Variants in ZNF121 observed in about 807,000 individuals in gnomAD.
The protein encoded by ZNF121 is zinc finger protein 121.
Under a neutral mutation model 2.4 loss-of-function variants are expected in ZNF121, and 1 was observed. That is an observed-to-expected ratio of 0.41 (90% CI 0.15 to 1.94). The LOEUF (loss-of-function observed/expected upper bound fraction) is 1.94, where lower values mean the gene tolerates loss of function less well. ZNF121 is among the 30% of genes most tolerant of loss of function. The probability of loss-of-function intolerance (pLI) is 0.30; values close to 1 mark genes in which losing one functional copy is unlikely to be tolerated. For synonymous variants in ZNF121, 173 were observed against 158.6 expected (o/e 1.09, Z -0.68); for missense variants, 369 against 466.3 (o/e 0.79, Z 1.92).
chr19:9,568,155 CTT>C lies in ZNF121; in HGVS notation c.-60_-59del, dbSNP rs1199318656. The C allele has an allele frequency of 2.7e-6, 4 of 1,493,426 alleles. No homozygotes were observed. Among genetic ancestry groups the C allele is most frequent in the Non-Finnish European group, 3.6e-6 (4 of 1,105,444 alleles). 92.5% of individuals were successfully genotyped at this position (1,493,426 alleles called of 1,614,324 possible). ...AAAAAATGTTGTTGAGGTGCTGACA[CTT>C]TGGTTTTAACTTGCCATTCTGAAGT... is the stretch of plus-strand genomic sequence containing the variant. On this transcript the variant is annotated 5_prime_UTR_variant, in exon 3 of 4. Transcript: ENST00000320451.
chr19:9,566,163 C>T lies in ZNF121; in HGVS notation c.950G>A (p.Cys317Tyr), dbSNP rs2074130430. The T allele has an allele frequency of 6.2e-7, 1 of 1,614,026 alleles. No individual in the cohort carries two copies. The highest frequency in any genetic ancestry group is 1.3e-5 in the African/African-American group (1 of 74,928). The change falls in exon 4 of 4, where the codon TGT (cysteine) becomes TAT (tyrosine). Residue 317 changes from cysteine (C) to tyrosine (Y), a missense_variant. Around this residue, in one of 4 missense-constraint regions of ZNF121, gnomAD observed 127 missense variants for 169.9 expected, o/e 0.75. Coordinates refer to ENST00000320451, the MANE Select transcript of ZNF121 (RefSeq NM_001008727.5). ...TGAAGATGTAGCAAAGGCTTTCCCA[C>T]AGTCCTTACATTCATAGGGCTTCTC... ...TGEKPYECKD[C>Y]GKAFATSSQL...
chr19:9,579,972 G>C lies in ZNF121; in HGVS notation c.-160+4489C>G, dbSNP rs375949154. On this transcript the variant is annotated intron_variant, in intron 1 of 3. Coordinates refer to ENST00000320451, the MANE Select transcript of ZNF121 (RefSeq NM_001008727.5). ...TTTCAAATAGAGGGTGGGAGATTCT[G>C]GGGCCACCATGTCTGTGGGTAAAGA... 2.0e-4 allele frequency among the ~76,000 whole-genome samples: 31 copies of C among 152,246 alleles called. No homozygotes were observed. In the East Asian group the frequency reaches 4.1e-3, roughly 20 times the overall value.
intron 1 of ZNF121, among the ~76,000 whole-genome samples, chr19:9,571,487 A>AT (rs2074173923): frequency 6.6e-6 from 1 of 152,230 alleles, no homozygotes; most frequent in Non-Finnish European, 1.5e-5. Context: ...ATAAATCAAC[A>AT]TAATTTCTGT....
At position 9,576,680 on chromosome 19, in the gene ZNF121, T is replaced by C. The variant is rs565814158; in HGVS notation, c.-159-7598A>G. 2.6e-5 allele frequency among the ~76,000 whole-genome samples: 4 copies of C among 151,728 alleles called. No homozygotes were observed. In the South Asian group the frequency reaches 8.3e-4, roughly 32 times the overall value. Reference sequence around the variant, plus strand: ...AACAATACAGAATATTAATAAAACATAAAGTTGATTACTTGAAAAGATAAA... The same window carrying C: ...AACAATACAGAATATTAATAAAACACAAAGTTGATTACTTGAAAAGATAAA... On this transcript the variant is annotated intron_variant, in intron 1 of 3. Transcript: ENST00000320451.
At chr19:9,574,443 C>T (rs957784397) in intron 1 of ZNF121, among the ~76,000 whole-genome samples, 18 of 152,146 alleles carry the variant, frequency 1.2e-4, no homozygotes, top group African/African-American at 4.3e-4. Flanking sequence ...CACAAGCCAC[C>T]GCGCCCGGCC....
At chr19:9,570,741 CG>C (rs1052945886) in intron 1 of ZNF121, among the ~76,000 whole-genome samples, 18 of 100,088 alleles carry the variant, frequency 1.8e-4, no homozygotes, top group African/African-American at 8.2e-4. Context: ...TAATTTTTTG[CG>C]AGGGGGGGGG....
At chr19:9,567,578 T>C (rs1443355823) in intron 3 of ZNF121, 1 of 245,994 alleles carries the variant, frequency 4.1e-6, no homozygotes, top group African/African-American at 2.2e-5. Context: ...TCAACAACAT[T>C]ACATTTACTG....
chr19:9,568,328 C>T (rs554064916), intron 2 of ZNF121, among the ~76,000 whole-genome samples, 153 bp from the exon 3 acceptor site: 36 of 151,852 alleles, frequency 2.4e-4, no homozygotes, highest in Admixed American at 2.6e-4. Context: ...TTATCCATGA[C>T]GAACATTTGG....
At chr19:9,581,361 G>A (rs1435175219) in intron 1 of ZNF121, among the ~76,000 whole-genome samples, 22 of 148,274 alleles carry the variant, frequency 1.5e-4, no homozygotes, top group Admixed American at 1.3e-3. Context: ...AACTAATCCC[G>A]GTTGGTGAAA....
rs987920799 is a variant in ZNF121 at position 9,563,876 on chromosome 19, T to C, written c.*2064A>G. 2.0e-5 allele frequency: 3 copies of C among 152,350 alleles called. No homozygotes were observed. The East Asian group carries it at 5.8e-4, about 29-fold the overall frequency. 9.4% of individuals were successfully genotyped at this position (152,350 alleles called of 1,614,324 possible). ...CTATTTACATCTATTTACAGCATGG[T>C]TTACTGAATATTTTAAGCCCACTGT... On this transcript the variant is annotated 3_prime_UTR_variant, in exon 4 of 4. Coordinates refer to ENST00000320451, the MANE Select transcript of ZNF121 (RefSeq NM_001008727.5).
At chr19:9,575,678 G>A (rs1334817233) in intron 1 of ZNF121, among the ~76,000 whole-genome samples, 1 of 151,908 alleles carries the variant, frequency 6.6e-6, no homozygotes, top group Non-Finnish European at 1.5e-5. Flanking sequence ...GGGAGATGGA[G>A]GTTGCAGTGA....
intron 1 of ZNF121, among the ~76,000 whole-genome samples, chr19:9,576,613 G>A (rs2074211864): frequency 6.6e-6 from 1 of 151,260 alleles, no homozygotes; most frequent in African/African-American, 2.4e-5. Context: ...TAAATCAAAA[G>A]GATAAAGACC....
chr19:9,570,982 G>T (rs989672773), intron 1 of ZNF121, among the ~76,000 whole-genome samples: 1 of 152,202 alleles, frequency 6.6e-6, no homozygotes, highest in Admixed American at 6.5e-5. Context: ...CAACTATCAA[G>T]GACAGTGGAA....
intron 1 of ZNF121, among the ~76,000 whole-genome samples, chr19:9,569,838 CTT>C (rs752091749): frequency 0.16 from 18,253 of 117,370 alleles, 1,645 homozygotes; most frequent in African/African-American, 0.28. Context: ...TGGCCGAGAT[CTT>C]TTTTTTTTTT....
chr19:9,574,523 C>T (rs920383952), intron 1 of ZNF121, among the ~76,000 whole-genome samples: 6 of 152,178 alleles, frequency 3.9e-5, no homozygotes, highest in Non-Finnish European at 7.3e-5. Flanking sequence ...TGAGAGTACA[C>T]CGAACAAAGG....
rs768840601 is a variant in ZNF121, at chr19:9,561,087, A to C, written c.*4853T>G. 3 of 152,242 alleles carry C rather than the reference A, an allele frequency of 2.0e-5. No individual in the cohort carries two copies. The highest frequency in any genetic ancestry group is 2.9e-5 in the Non-Finnish European group (2 of 68,034). 9.4% of individuals were successfully genotyped at this position (152,242 alleles called of 1,614,324 possible). A position where few individuals can be genotyped will look rare whatever the true frequency, so the allele number is the denominator to read the frequency against. On this transcript the variant is annotated 3_prime_UTR_variant, in exon 4 of 4. Transcript: ENST00000320451. ...GCAAGAAATAACCCAGCAGTGCTGC[A>C]GTGGAATTAAAAGTGTTGGCTTGTG... is the stretch of plus-strand genomic sequence containing the variant.
Position 9,561,268 on chromosome 19 carries a change from T to C in ZNF121, c.*4672A>G, listed in dbSNP as rs1198763693. ...CACAGAGACTGCAGCTTCTAAATAG[T>C]ATTCTCCATTAAAATAAATTACATT... On this transcript the variant is annotated 3_prime_UTR_variant, in exon 4 of 4. Transcript: ENST00000320451. The C allele has an allele frequency of 6.6e-6, 1 of 152,230 alleles. No homozygotes were observed. Among genetic ancestry groups the C allele is most frequent in the East Asian group, 1.9e-4 (1 of 5,204 alleles). The allele number at this position is 152,230 out of a possible 1,614,324, so 9.4% of individuals were successfully genotyped here.
At position 9,560,952 on chromosome 19, in the gene ZNF121, G is replaced by A. The variant is rs1222354396; in HGVS notation, c.*4988C>T. 2 of 152,220 alleles carry A rather than the reference G, an allele frequency of 1.3e-5. No individual in the cohort carries two copies. The highest frequency in any genetic ancestry group is 2.1e-4 in the South Asian group (1 of 4,838). 9.4% of individuals were successfully genotyped at this position (152,220 alleles called of 1,614,324 possible). ...ATTCTGGTTAGTTGATTTTTAAAAA[G>A]AGTGGTATGAGTTATCAATTCTGAG... On this transcript the variant is annotated 3_prime_UTR_variant, in exon 4 of 4. Coordinates refer to ENST00000320451, the MANE Select transcript of ZNF121 (RefSeq NM_001008727.5).
At chr19:9,577,746 C>CA (rs2074221069) in intron 1 of ZNF121, among the ~76,000 whole-genome samples, 1 of 151,284 alleles carries the variant, frequency 6.6e-6, no homozygotes, top group Non-Finnish European at 1.5e-5. Context: ...AAATACTGAC[C>CA]AAAAAAAACG....
Sources: allele counts gnomAD v4.1 joint callset (sites outside exome capture counted in the v4.1 genomes callset), GRCh38; gene constraint gnomAD v4.1.1; regional missense constraint gnomAD v4.1.1; transcripts MANE v1.5; gene names NCBI Gene and HGNC (gene_info 2026-07-23, HGNC 2026-07-21).